The following CNST variants were observed in gnomAD, a reference collection of about 807,000 sequenced individuals.
CNST encodes the protein consortin.
CNST carries 39 observed loss-of-function variants against 72.4 expected under a neutral mutation model. The observed-to-expected ratio is 0.54, with a 90% CI of 0.42 to 0.70. The LOEUF (loss-of-function observed/expected upper bound fraction) is 0.70. CNST is among the 30% of genes least tolerant of loss of function. The pLI is 0.00. For synonymous variants in CNST, 332 were observed against 320.1 expected (o/e 1.04, Z -0.40); for missense variants, 871 against 868.5 (o/e 1.00, Z -0.04).
chr1:246,599,337 G>A (rs1662109195), intron 2 of CNST, among the ~76,000 whole-genome samples: 1 of 151,868 alleles, frequency 6.6e-6, no homozygotes, highest in South Asian at 2.1e-4. Flanking sequence ...GTTCCTACTG[G>A]GCTAACATCA....
At chr1:246,622,589 G>C (rs1363960494) in intron 3 of CNST, among the ~76,000 whole-genome samples, 2 of 152,146 alleles carry the variant, frequency 1.3e-5, no homozygotes, top group Non-Finnish European at 2.9e-5. Flanking sequence ...GTGACATTGA[G>C]ACTTTATTTT....
intron 6 of CNST, among the ~76,000 whole-genome samples, chr1:246,638,391 A>G (rs1572219410): frequency 6.6e-6 from 1 of 152,168 alleles, no homozygotes; most frequent in Admixed American, 6.5e-5. Context: ...GGCCCCTGCA[A>G]TGAATGACGG....
chr1:246,606,730 C>T (rs1572165707), intron 2 of CNST: 1 of 152,010 alleles, frequency 6.6e-6, no homozygotes, highest in Non-Finnish European at 1.5e-5. Context: ...TCTTTGGCTT[C>T]CTCCTGCCTT....
chr1:246,661,681 A>G (rs1021303060), intron 10 of CNST, among the ~76,000 whole-genome samples: 8 of 152,240 alleles, frequency 5.3e-5, no homozygotes, highest in Admixed American at 3.3e-4. Flanking sequence ...GTGTAAGTAA[A>G]TAAGAGTAAA....
At position 246,600,950 on chromosome 1, in the gene CNST, A is replaced by C. The variant is rs939948057; in HGVS notation, c.379+9009A>C. Among the ~76,000 whole-genome samples, 3 of 152,194 alleles carry C rather than the reference A, an allele frequency of 2.0e-5. No individual in the cohort carries two copies. The East Asian group carries it at 5.8e-4, about 29-fold the overall frequency. On this transcript the variant is annotated intron_variant, in intron 2 of 10. Coordinates refer to ENST00000366513, the MANE Select transcript of CNST (RefSeq NM_152609.3). ...AGACAGAATAAGAATTAGGATGTGA[A>C]TCTAGGGCTCCTAATGAGCTAGAAT...
At chr1:246,629,382 T>C (rs549543397) in intron 3 of CNST, among the ~76,000 whole-genome samples, 83 of 88,082 alleles carry the variant, frequency 9.4e-4, no homozygotes, top group African/African-American at 3.6e-3. Flanking sequence ...TTTCTCAAGA[T>C]GACTTTTTAC....
chr1:246,605,064 A>G (rs1429687828), intron 2 of CNST, among the ~76,000 whole-genome samples: 3 of 152,226 alleles, frequency 2.0e-5, no homozygotes, highest in Non-Finnish European at 4.4e-5. Flanking sequence ...TATACTTGTA[A>G]GAAAATCATA....
chr1:246,631,776 A>G, intron 3 of CNST, 118 bp from the exon 4 acceptor site: 1 of 743,984 alleles, frequency 1.3e-6, no homozygotes, highest in Non-Finnish European at 2.4e-6. Flanking sequence ...TTAAAAAAAG[A>G]GTTTTCTTAA....
chr1:246,651,282 C>CTA (rs1666433920), intron 9 of CNST, among the ~76,000 whole-genome samples: 1 of 152,182 alleles, frequency 6.6e-6, no homozygotes, highest in African/African-American at 2.4e-5. Context: ...CGCTGCTGTG[C>CTA]TATCGCAGGT....
At chr1:246,597,745 T>C (rs922572849) in intron 2 of CNST, among the ~76,000 whole-genome samples, 1 of 152,184 alleles carries the variant, frequency 6.6e-6, no homozygotes, top group African/African-American at 2.4e-5. Context: ...TGGATTTGAA[T>C]CTTGGTTATT....
intron 1 of CNST, among the ~76,000 whole-genome samples, chr1:246,578,679 A>C (rs1011906459): frequency 6.6e-6 from 1 of 152,146 alleles, no homozygotes; most frequent in African/African-American, 2.4e-5. Flanking sequence ...AAAAAAAAAA[A>C]AACTATTGCC....
intron 2 of CNST, among the ~76,000 whole-genome samples, chr1:246,593,851 C>G (rs1352185297): frequency 6.6e-6 from 1 of 152,172 alleles, no homozygotes; most frequent in Non-Finnish European, 1.5e-5. Context: ...CAGCCTTGAT[C>G]TCCCAGGCAC....
At chr1:246,621,245 G>C (rs1203974499) in intron 2 of CNST, among the ~76,000 whole-genome samples, 184 bp from the exon 3 acceptor site, 18 of 152,154 alleles carry the variant, frequency 1.2e-4, no homozygotes, top group Non-Finnish European at 2.5e-4. Context: ...GATGTTATCA[G>C]ACAGAGTTTA....
chr1:246,609,281 A>C (rs1287210891), intron 2 of CNST, among the ~76,000 whole-genome samples: 1 of 152,240 alleles, frequency 6.6e-6, no homozygotes, highest in Non-Finnish European at 1.5e-5. Context: ...GAGGTATTTA[A>C]AAGGTGAGCA....
At chr1:246,644,948 A>G (rs746315793) in intron 8 of CNST, among the ~76,000 whole-genome samples, 1 of 152,194 alleles carries the variant, frequency 6.6e-6, no homozygotes, top group Non-Finnish European at 1.5e-5. Flanking sequence ...CAGGCAACCA[A>G]AGGGAAGTGA....
intron 4 of CNST, among the ~76,000 whole-genome samples, chr1:246,633,115 G>A (rs1242461658): frequency 6.6e-6 from 1 of 152,112 alleles, no homozygotes; most frequent in African/African-American, 2.4e-5. Context: ...AGTAGCTATT[G>A]CATAATATGC....
In CNST at chr1:246,647,779, G is replaced by A. The variant is rs768985137; in HGVS notation, c.1578G>A (p.Val526=). Reference sequence around the variant, plus strand: ...ACTTAGGCATACTGCTTCCAGAGGTGTGTATGGCCCCAGAGGAAAAGGGAG... The same window carrying A: ...ACTTAGGCATACTGCTTCCAGAGGTATGTATGGCCCCAGAGGAAAAGGGAG... ...ISDLGILLPE[V]CMAPEEKGDK... Residue 526 remains valine, a synonymous_variant, in exon 9 of 11, where the codon GTG becomes GTA. Transcript: ENST00000366513. 6.2e-7 allele frequency: 1 copy of A among 1,614,088 alleles called. No homozygotes were observed. Among genetic ancestry groups the A allele is most frequent in the African/African-American group, 1.3e-5 (1 of 74,942 alleles).
At chr1:246,653,121 C>G (rs1666580963) in intron 9 of CNST, among the ~76,000 whole-genome samples, 1 of 152,054 alleles carries the variant, frequency 6.6e-6, no homozygotes, top group Non-Finnish European at 1.5e-5. Flanking sequence ...TCACATGAAG[C>G]AAAATACAGG....
intron 2 of CNST, among the ~76,000 whole-genome samples, chr1:246,608,675 A>G (rs1238284839): frequency 1.3e-5 from 2 of 152,194 alleles, no homozygotes; most frequent in African/African-American, 4.8e-5. Context: ...TTACAACCTA[A>G]GCACCAAGGG....
Sources: allele counts gnomAD v4.1 joint callset (sites outside exome capture counted in the v4.1 genomes callset), GRCh38; gene constraint gnomAD v4.1.1; transcripts MANE v1.5; gene names NCBI Gene and HGNC (gene_info 2026-07-23, HGNC 2026-07-21).